The following LEPROTL1 variants were observed in gnomAD, a reference collection of about 807,000 sequenced individuals.
The protein encoded by LEPROTL1 is leptin receptor overlapping transcript like 1, also known as leptin receptor overlapping transcript-like 1.
In LEPROTL1, 6 loss-of-function variants were observed where a neutral mutation model predicts 15.4. That is an observed-to-expected ratio of 0.39 (90% CI 0.21 to 0.77). The LOEUF is 0.77. Ranked by LOEUF, LEPROTL1 falls within the 30% of genes least tolerant of loss-of-function variation. LEPROTL1 has a pLI of 0.41. For missense variants in LEPROTL1, 128 were observed against 158.1 expected (o/e 0.81, Z 1.02); for synonymous variants, 56 against 52.6 (o/e 1.06, Z -0.28).
chr8:30,134,800 G>T (rs553743248), intron 4 of LEPROTL1, among the ~76,000 whole-genome samples: 1 of 152,050 alleles, frequency 6.6e-6, no homozygotes, highest in African/African-American at 2.4e-5. Context: ...TGCCCGCCTC[G>T]GCCTCCCAAA....
chr8:30,137,298 G>A, exon 5 of LEPROTL1: 1 of 1,551,682 alleles, frequency 6.4e-7, no homozygotes, highest in Non-Finnish European at 8.7e-7. Flanking sequence ...TCTTCAGCAA[G>A]ATGGGAACAG....
At chr8:30,122,239 C>T (rs1048557909) in intron 3 of LEPROTL1, among the ~76,000 whole-genome samples, 1 of 151,992 alleles carries the variant, frequency 6.6e-6, no homozygotes, top group Non-Finnish European at 1.5e-5. Context: ...CCAGATGATT[C>T]TGCTGGGATA....
intron 4 of LEPROTL1, chr8:30,132,795 C>T (rs1803055819): frequency 6.4e-7 from 1 of 1,551,756 alleles, no homozygotes; most frequent in Non-Finnish European, 8.7e-7. Flanking sequence ...ACAAAGAGCT[C>T]CTGCTCCTGA....
intron 1 of LEPROTL1, among the ~76,000 whole-genome samples, chr8:30,098,940 C>T (rs796902763): frequency 1.1e-4 from 16 of 152,282 alleles, no homozygotes; most frequent in African/African-American, 3.9e-4. Context: ...TCAGCATACA[C>T]GGGTCTCTGC....
chr8:30,113,698 C>G (rs1286010018), intron 3 of LEPROTL1, among the ~76,000 whole-genome samples: 1 of 152,172 alleles, frequency 6.6e-6, no homozygotes, highest in African/African-American at 2.4e-5. Context: ...GAGCAGCCAC[C>G]GGGCCCTCTG....
intron 3 of LEPROTL1, among the ~76,000 whole-genome samples, chr8:30,118,380 A>C (rs1802775675): frequency 6.6e-6 from 1 of 152,220 alleles, no homozygotes; most frequent in Non-Finnish European, 1.5e-5. Flanking sequence ...AAAAGCTAGA[A>C]GGTTATTATA....
downstream of LEPROTL1, among the ~76,000 whole-genome samples, chr8:30,111,255 A>G (rs1429592540): frequency 6.6e-6 from 1 of 152,214 alleles, no homozygotes; most frequent in Non-Finnish European, 1.5e-5. Flanking sequence ...GTCCCTAAGA[A>G]TTAAAAGAAA....
intron 4 of LEPROTL1, among the ~76,000 whole-genome samples, chr8:30,134,996 C>T (rs1803108346): frequency 6.6e-6 from 1 of 152,154 alleles, no homozygotes. Flanking sequence ...CCTCCCACCT[C>T]TCCCTCCTGA....
At chr8:30,102,345 G>A (rs1344771969) in intron 2 of LEPROTL1, among the ~76,000 whole-genome samples, 2 of 149,360 alleles carry the variant, frequency 1.3e-5, no homozygotes, top group South Asian at 2.1e-4. Flanking sequence ...AAAAAAAAGA[G>A]AGAGATGTAA....
intron 3 of LEPROTL1, chr8:30,117,758 C>T (rs982801309): frequency 3.3e-6 from 3 of 909,254 alleles, no homozygotes; most frequent in African/African-American, 1.6e-5. Context: ...AGAGCATCAG[C>T]CAGGACATTC....
downstream of LEPROTL1, among the ~76,000 whole-genome samples, chr8:30,112,108 G>A (rs1802660133): frequency 6.6e-6 from 1 of 152,114 alleles, no homozygotes; most frequent in African/African-American, 2.4e-5. Flanking sequence ...AAAAATCAAG[G>A]TTCTGGAACA....
chr8:30,129,658 TCACACCACTG>T (rs1253572306), intron 3 of LEPROTL1, among the ~76,000 whole-genome samples: 5 of 147,312 alleles, frequency 3.4e-5, no homozygotes, highest in South Asian at 2.1e-4. Context: ...TGAGCTGAGA[TCACACCACTG>T]CACACCACTG....
chr8:30,123,457 C>A (rs1389686288), intron 3 of LEPROTL1, among the ~76,000 whole-genome samples: 1 of 152,234 alleles, frequency 6.6e-6, no homozygotes, highest in African/African-American at 2.4e-5. Context: ...CATGATATAT[C>A]TCTCAATTTA....
At chr8:30,127,499 A>G (rs568595189) in intron 3 of LEPROTL1, among the ~76,000 whole-genome samples, 158 of 152,268 alleles carry the variant, frequency 1.0e-3, no homozygotes, top group African/African-American at 3.7e-3. Flanking sequence ...AGACAGAGAC[A>G]GCTGGCCCCA....
At chr8:30,110,452 A>G (rs7010601), downstream of LEPROTL1, among the ~76,000 whole-genome samples, 150,359 of 152,238 alleles carry the variant, frequency 0.99, 74,270 homozygotes, top group Middle Eastern at 1. Flanking sequence ...GAGGCTGGGC[A>G]TGGTGGCTCA....
In LEPROTL1 at chr8:30,118,020, T is replaced by TCG. The variant is rs1563217229; in HGVS notation, c.279+13534_279+13535insCG. Among the ~76,000 whole-genome samples the TCG allele has an allele frequency of 4.5e-4, 6 of 13,226 alleles. 1 individual carries two copies. Among genetic ancestry groups the TCG allele is most frequent in the African/African-American group, 1.2e-3 (6 of 5,032 alleles). 8.7% of individuals were successfully genotyped at this position (13,226 alleles called of 152,430 possible). On this transcript the variant is annotated intron_variant, in intron 3 of 4. Coordinates refer to the LEPROTL1 transcript ENST00000442880. ...ATCTGTATATATATTTTTTGATTTG[T>TCG]TTTTTTTTTTTTTTTTTTTTTTGAG... is the stretch of plus-strand genomic sequence containing the variant.
chr8:30,136,178 C>T (rs781019651), intron 4 of LEPROTL1, among the ~76,000 whole-genome samples: 6 of 152,152 alleles, frequency 3.9e-5, no homozygotes, highest in Non-Finnish European at 8.8e-5. Context: ...AACCCCAGTA[C>T]CTCAGAATGT....
chr8:30,133,788 CA>C (rs11430475), intron 4 of LEPROTL1, among the ~76,000 whole-genome samples: 22 of 123,026 alleles, frequency 1.8e-4, no homozygotes, highest in East Asian at 2.3e-4. Context: ...GACCCTGTCT[CA>C]AAAAAAAAAA....
At chr8:30,114,276 T>G (rs1471920696) in intron 3 of LEPROTL1, among the ~76,000 whole-genome samples, 1 of 149,428 alleles carries the variant, frequency 6.7e-6, no homozygotes, top group African/African-American at 2.5e-5. Context: ...ACATGATATT[T>G]TTTTGTTTTG....
Sources: gnomAD v4.1 joint callset for allele counts (sites outside exome capture counted in the v4.1 genomes callset) on GRCh38, gnomAD v4.1.1 for gene constraint, MANE v1.5 for transcripts, NCBI Gene and HGNC (gene_info 2026-07-23, HGNC 2026-07-21) for gene names.